The following ANP32B variants were observed in gnomAD, a reference collection of about 807,000 sequenced individuals.
The protein encoded by ANP32B is acidic nuclear phosphoprotein 32 family member B, also known as acidic leucine-rich nuclear phosphoprotein 32 family member B.
ANP32B carries 6 observed loss-of-function variants against 32.2 expected under a neutral mutation model. The ratio of observed to expected loss-of-function variants is 0.19; its 90% CI spans 0.10 to 0.37. The LOEUF is 0.37. ANP32B is among the 10% of genes least tolerant of loss of function. The pLI, the probability that ANP32B is intolerant of heterozygous loss-of-function variation, is 1.00. For synonymous variants in ANP32B, 98 were observed against 105.8 expected (o/e 0.93, Z 0.45); for missense variants, 204 against 289.2 (o/e 0.71, Z 2.14).
At chr9:98,012,685 GT>G (rs1279704465) in intron 6 of ANP32B, among the ~76,000 whole-genome samples, 2 of 152,156 alleles carry the variant, frequency 1.3e-5, no homozygotes, top group Non-Finnish European at 2.9e-5. Context: ...CATGGCAAGG[GT>G]CCTGTTGGTC....
intron 3 of ANP32B, among the ~76,000 whole-genome samples, chr9:98,000,712 T>G (rs1827975385): frequency 6.6e-6 from 1 of 151,922 alleles, no homozygotes; most frequent in Non-Finnish European, 1.5e-5. Context: ...TCACTTGAGG[T>G]CAGGAGTTTG....
intron 3 of ANP32B, among the ~76,000 whole-genome samples, chr9:98,002,771 T>C (rs2131587894): frequency 6.6e-6 from 1 of 152,262 alleles, no homozygotes; most frequent in South Asian, 2.1e-4. Context: ...ACTGGAAGAG[T>C]CAATGAAACT....
chr9:98,007,585 T>C (rs1310665778), intron 4 of ANP32B, among the ~76,000 whole-genome samples: 2 of 152,212 alleles, frequency 1.3e-5, no homozygotes, highest in Non-Finnish European at 2.9e-5. Flanking sequence ...TTTTGAACGA[T>C]TACATATCAG....
chr9:97,985,275 C>T (rs886585691), intron 1 of ANP32B, among the ~76,000 whole-genome samples: 6 of 152,128 alleles, frequency 3.9e-5, no homozygotes, highest in Admixed American at 1.3e-4. Flanking sequence ...ACCTGGTGTG[C>T]TCGACATTTT....
At chr9:97,993,781 A>C (rs1293845337) in intron 1 of ANP32B, among the ~76,000 whole-genome samples, 2 of 152,020 alleles carry the variant, frequency 1.3e-5, no homozygotes, top group Non-Finnish European at 2.9e-5. Flanking sequence ...GATTACAGGC[A>C]CTCGCCATCT....
At chr9:97,985,787 C>G (rs781677867) in intron 1 of ANP32B, among the ~76,000 whole-genome samples, 2 of 152,194 alleles carry the variant, frequency 1.3e-5, no homozygotes, top group South Asian at 2.1e-4. Flanking sequence ...GCTTTAAAAA[C>G]ACATGTATAT....
In ANP32B at chr9:98,015,502, TAAA is replaced by T. The variant is rs372263861; in HGVS notation, c.*83_*85del. On this transcript the variant is annotated 3_prime_UTR_variant, in exon 7 of 7. Coordinates refer to ENST00000339399, the MANE Select transcript of ANP32B (RefSeq NM_006401.3). ...ACTGCTCATGGATTTTGTAGCTGTT[TAAA>T]AAAAAAAAAAAGGTAGCTGTGATAC... 131 of 1,241,776 alleles carry T rather than the reference TAAA, an allele frequency of 1.1e-4. No homozygotes were observed. The highest frequency in any genetic ancestry group is 3.0e-4 in the Middle Eastern group (1 of 3,380). The allele number at this position is 1,241,776 out of a possible 1,614,324, so 76.9% of individuals were successfully genotyped here.
At chr9:98,010,312 G>C (rs534782657) in intron 4 of ANP32B, among the ~76,000 whole-genome samples, 4 of 150,056 alleles carry the variant, frequency 2.7e-5, no homozygotes, top group African/African-American at 9.8e-5. Flanking sequence ...GCTAGGTATG[G>C]TGGCTCACAC....
At chr9:98,011,173 AC>A (rs1828176847) in intron 4 of ANP32B, 97 bp from the exon 5 acceptor site, 3 of 1,472,310 alleles carry the variant, frequency 2.0e-6, no homozygotes, top group Non-Finnish European at 2.7e-6. Context: ...TCGTGGCCTT[AC>A]AGCATTTGTT....
chr9:97,984,453 C>T (rs1235740372), intron 1 of ANP32B: 1 of 151,698 alleles, frequency 6.6e-6, no homozygotes, highest in Admixed American at 6.6e-5. Context: ...GACGGCCTCG[C>T]CCTTCCCCCT....
chr9:98,013,025 C>T lies in ANP32B; in HGVS notation c.688+553C>T, dbSNP rs144040914. On this transcript the variant is annotated intron_variant, in intron 6 of 6. Transcript: ENST00000339399. ...GATTACAGGCGTGAGCCACCACACC[C>T]GGCCTGTTGTTTTCTTGAGATGGAG... Among the ~76,000 whole-genome samples the T allele has an allele frequency of 1.8e-3, 272 of 152,196 alleles. 1 individual carries two copies. The highest frequency in any genetic ancestry group is 1.9e-3 in the Non-Finnish European group (132 of 68,004).
In ANP32B at chr9:98,012,402, G is replaced by A. The variant is rs746098854; in HGVS notation, c.637-19G>A. On this transcript the variant is annotated intron_variant, in intron 5 of 6. Coordinates refer to ENST00000339399, the MANE Select transcript of ANP32B (RefSeq NM_006401.3). Reference sequence around the variant, plus strand: ...TTTGGCAGAATTAATTTAATGTTATGCTGTTTGCTATTCTTTAGGAAGAAG... The same window carrying A: ...TTTGGCAGAATTAATTTAATGTTATACTGTTTGCTATTCTTTAGGAAGAAG... 5.9e-5 allele frequency: 95 copies of A among 1,608,996 alleles called. No individual in the cohort carries two copies. Among genetic ancestry groups the A allele is most frequent in the Non-Finnish European group, 7.9e-5 (93 of 1,178,384 alleles).
At chr9:97,984,333 C>G (rs954759713) in intron 1 of ANP32B, among the ~76,000 whole-genome samples, 1 of 151,306 alleles carries the variant, frequency 6.6e-6, no homozygotes, top group Non-Finnish European at 1.5e-5. Flanking sequence ...ATTTTTCAAG[C>G]CCAAAAATAA....
chr9:97,992,051 A>G (rs1367491246), intron 1 of ANP32B, among the ~76,000 whole-genome samples: 1 of 152,126 alleles, frequency 6.6e-6, no homozygotes, highest in Non-Finnish European at 1.5e-5. Flanking sequence ...CAGAATATAC[A>G]TGATCCTGTC....
Position 97,983,343 on chromosome 9 carries a change from T to G in ANP32B, c.-213T>G. ...GCCCAGCGCTGCGCTCCAGCCCCCT[T>G]TTCCCTCCATGGTTTCTCTCCGCTC... On this transcript the variant is annotated 5_prime_UTR_variant, in exon 1 of 7. Transcript: ENST00000339399. 2.0e-6 allele frequency: 1 copy of G among 507,928 alleles called. No individual in the cohort carries two copies. The highest frequency in any genetic ancestry group is 3.8e-5 in the East Asian group (1 of 26,418). 31.5% of individuals were successfully genotyped at this position (507,928 alleles called of 1,614,324 possible).
At chr9:97,991,767 T>C (rs571740555) in intron 1 of ANP32B, among the ~76,000 whole-genome samples, 2 of 152,336 alleles carry the variant, frequency 1.3e-5, no homozygotes, top group East Asian at 3.9e-4. Context: ...AGAAGACATT[T>C]TAAGTAAAGA....
chr9:98,001,183 T>C (rs796865705), intron 3 of ANP32B, among the ~76,000 whole-genome samples: 12 of 149,288 alleles, frequency 8.0e-5, no homozygotes, highest in African/African-American at 3.0e-4. Context: ...CCTTTTTTTT[T>C]CTGGTTTAAT....
chr9:98,015,877 T>A lies in ANP32B; in HGVS notation c.*446T>A. 1.0e-6 allele frequency: 1 copy of A among 968,106 alleles called. No individual in the cohort carries two copies. Among genetic ancestry groups the A allele is most frequent in the Non-Finnish European group, 1.2e-6 (1 of 813,870 alleles). The allele number at this position is 968,106 out of a possible 1,614,324, so 60.0% of individuals were successfully genotyped here. On this transcript the variant is annotated 3_prime_UTR_variant, in exon 7 of 7. Coordinates refer to ENST00000339399, the MANE Select transcript of ANP32B (RefSeq NM_006401.3). ...TTATTTTTTTTACATTAGGACATTT[T>A]ATGTGACAACTGCCAAAAAAGTATT...
chr9:97,985,173 C>G (rs535101182), intron 1 of ANP32B, among the ~76,000 whole-genome samples: 1 of 151,894 alleles, frequency 6.6e-6, no homozygotes, highest in Admixed American at 6.6e-5. Context: ...CCTCCCGACC[C>G]GCTCTGGGCT....
Sources: gnomAD v4.1 joint callset for allele counts (sites outside exome capture counted in the v4.1 genomes callset) on GRCh38, gnomAD v4.1.1 for gene constraint, MANE v1.5 for transcripts, NCBI Gene and HGNC (gene_info 2026-07-23, HGNC 2026-07-21) for gene names.